CCDC40: variants seen among roughly 807,000 people sequenced by gnomAD.
CCDC40 encodes coiled-coil domain-containing protein 40.
Under a neutral mutation model 124.5 loss-of-function variants are expected in CCDC40, and 104 were observed. That is an observed-to-expected ratio of 0.84 (90% CI 0.71 to 0.98). The LOEUF is 0.98. Ranked by LOEUF, CCDC40 falls within the 50% of genes least tolerant of loss-of-function variation. The pLI is 0.00. For synonymous variants in CCDC40, 580 were observed against 602.9 expected (o/e 0.96, Z 0.56); for missense variants, 1,463 against 1,503.9 (o/e 0.97, Z 0.45).
chr17:80,089,942 A>G, intron 17 of CCDC40, 58 bp downstream of exon 17: 2 of 1,603,134 alleles, frequency 1.2e-6, no homozygotes, highest in Non-Finnish European at 1.7e-6. Flanking sequence ...TGGGCTCTGG[A>G]GACCTGGCCA....
chr17:80,093,702 C>T (rs566540362), intron 17 of CCDC40, among the ~76,000 whole-genome samples: 10 of 144,160 alleles, frequency 6.9e-5, no homozygotes, highest in South Asian at 6.6e-4. Flanking sequence ...TTGGTAGAGA[C>T]GGGATTTCAC....
rs1013179004 is a variant in CCDC40, at chr17:80,067,745, T to C, written c.1562+2139T>C. The C allele has an allele frequency of 2.7e-6, 4 of 1,507,252 alleles. No homozygotes were observed. In the African/African-American group the frequency reaches 5.5e-5, roughly 21 times the overall value. 93.4% of individuals were successfully genotyped at this position (1,507,252 alleles called of 1,614,324 possible). A position where few individuals can be genotyped will look rare whatever the true frequency, so the allele number is the denominator to read the frequency against. ...CTATCAAGCCCGGAATGTCTGGGTC[T>C]AGCGGGTATTGCTAAGTAGGATTGT... On this transcript the variant is annotated intron_variant, in intron 10 of 19. Transcript: ENST00000397545.
chr17:80,066,104 G>T lies in CCDC40; in HGVS notation c.1562+498G>T. The T allele has an allele frequency of 1.4e-6, 1 of 703,008 alleles. No individual in the cohort carries two copies. The highest frequency in any genetic ancestry group is 1.5e-5 in the South Asian group (1 of 67,604). The allele number at this position is 703,008 out of a possible 1,614,324, so 43.5% of individuals were successfully genotyped here. A position where few individuals can be genotyped will look rare whatever the true frequency, so the allele number is the denominator to read the frequency against. ...GCAGGGCGTTGGAGACACAGGTGCT[G>T]CCTTCATTCCTAAAACCACCCAGGG... On this transcript the variant is annotated intron_variant, in intron 10 of 19. Transcript: ENST00000397545. The surrounding 1 kb of genome is among the most constrained non-coding windows in gnomAD (Gnocchi z 4.4).
chr17:80,088,212 C>T (rs1174947477), intron 16 of CCDC40, 110 bp downstream of exon 16: 17 of 761,360 alleles, frequency 2.2e-5, no homozygotes, highest in Admixed American at 1.6e-4. Context: ...ACACCCATAT[C>T]CCAGTGCTTT....
rs141622437 is a variant in CCDC40, at chr17:80,066,162, C to T, written c.1562+556C>T. 118 of 702,972 alleles carry T rather than the reference C, an allele frequency of 1.7e-4. No homozygotes were observed. In the African/African-American group the frequency reaches 1.9e-3, roughly 11 times the overall value. The allele number at this position is 702,972 out of a possible 1,614,324, so 43.5% of individuals were successfully genotyped here. A position where few individuals can be genotyped will look rare whatever the true frequency, so the allele number is the denominator to read the frequency against. On this transcript the variant is annotated intron_variant, in intron 10 of 19. Coordinates refer to ENST00000397545, the MANE Select transcript of CCDC40 (RefSeq NM_017950.4). The surrounding 1 kb of genome is among the most constrained non-coding windows in gnomAD (Gnocchi z 4.4). ...GTCTCGGGACGCGGAAAGAAAAAGC[C>T]GGGCACTGTGGTGGCACGTGTCTCA...
chr17:80,085,972 A>T, intron 13 of CCDC40, 31 bp from the exon 14 acceptor site: 1 of 1,598,846 alleles, frequency 6.3e-7, no homozygotes, highest in Non-Finnish European at 8.6e-7. Flanking sequence ...GCCCAGCCCT[A>T]ATTTTGCTTT....
intron 17 of CCDC40, among the ~76,000 whole-genome samples, chr17:80,094,285 G>A (rs926960511): frequency 5.3e-5 from 8 of 151,762 alleles, no homozygotes; most frequent in Admixed American, 4.6e-4. Flanking sequence ...GGTGGCAGGT[G>A]CCTGTAATCC....
chr17:80,079,767 CAAA>C (rs34238595), intron 10 of CCDC40, among the ~76,000 whole-genome samples: 2 of 136,690 alleles, frequency 1.5e-5, no homozygotes, highest in African/African-American at 2.8e-5. Flanking sequence ...ACTAAAAATA[CAAA>C]AAAAAAAAAA....
At chr17:80,041,663 C>T (rs560113285) in intron 3 of CCDC40, among the ~76,000 whole-genome samples, 1 of 152,270 alleles carries the variant, frequency 6.6e-6, no homozygotes, top group South Asian at 2.1e-4. Context: ...TTTCTGTAGT[C>T]TCCTCAGTCT....
In CCDC40 at chr17:80,040,025, C is replaced by G; in HGVS notation, c.307C>G (p.Pro103Ala). Residue 103 changes from proline to alanine, a missense_variant, in exon 3 of 20, where the codon CCG (proline) becomes GCG (alanine). Transcript: ENST00000397545. ...ATATTACTATACAGAAACTTCATCC[C>G]CGGAAGGGCAAATCAGTGCTGCAGA... is the stretch of plus-strand genomic sequence containing the variant. ...EEYYYTETSS[P>A]EGQISAADTT... The G allele has an allele frequency of 6.2e-7, 1 of 1,614,084 alleles. No homozygotes were observed. The highest frequency in any genetic ancestry group is 8.5e-7 in the Non-Finnish European group (1 of 1,179,984).
intron 12 of CCDC40, 121 bp from the exon 13 acceptor site, chr17:80,084,622 A>G (rs2143743465): frequency 8.3e-7 from 1 of 1,211,118 alleles, no homozygotes; most frequent in Non-Finnish European, 1.2e-6. Flanking sequence ...TGCACTCGTG[A>G]CTGTGCGTTT....
At chr17:80,090,310 A>C in intron 17 of CCDC40, 5 of 1,333,486 alleles carry the variant, frequency 3.7e-6, no homozygotes, top group Non-Finnish European at 5.0e-6. Flanking sequence ...CACGTGCACG[A>C]ACAACACGGG....
chr17:80,073,665 A>G (rs1320445722), intron 10 of CCDC40, among the ~76,000 whole-genome samples: 1 of 149,000 alleles, frequency 6.7e-6, no homozygotes, highest in Non-Finnish European at 1.5e-5. Flanking sequence ...TAAGTGCTCA[A>G]GTGAAAGGAA....
At position 80,055,981 on chromosome 17, in the gene CCDC40, C is replaced by CATATAT. The variant is rs1164782051; in HGVS notation, c.1160-2482_1160-2477dup. ...CACACCACCAGGCCTGGCTAATTTTCATATATATATATATATATATATATA... is the reference window on the plus strand; with the variant it reads ...CACACCACCAGGCCTGGCTAATTTTCATATATATATATATATATATATATATATATA... On this transcript the variant is annotated intron_variant, in intron 7 of 19. Coordinates refer to ENST00000397545, the MANE Select transcript of CCDC40 (RefSeq NM_017950.4). Among the ~76,000 whole-genome samples, 25 of 26,098 alleles carry CATATAT rather than the reference C, an allele frequency of 9.6e-4. 1 individual carries two copies. The highest frequency in any genetic ancestry group is 0.038 in the Middle Eastern group (1 of 26). The allele number at this position is 26,098 out of a possible 152,430, so 17.1% of individuals were successfully genotyped here.
intron 10 of CCDC40, among the ~76,000 whole-genome samples, chr17:80,079,781 A>AAG (rs1386252238): frequency 6.7e-6 from 1 of 149,402 alleles, no homozygotes; most frequent in Non-Finnish European, 1.5e-5. Flanking sequence ...AAAAAAAAAA[A>AAG]ATAGGCAGGC....
intron 9 of CCDC40, among the ~76,000 whole-genome samples, chr17:80,061,897 G>A (rs548533652): frequency 7.5e-6 from 1 of 132,998 alleles, no homozygotes; most frequent in East Asian, 2.3e-4. Context: ...TTAGTGCTTA[G>A]ACTCCATTCC....
At position 80,040,204 on chromosome 17, in the gene CCDC40, C is replaced by A. The variant is rs777442116; in HGVS notation, c.486C>A (p.Ser162=). 7 of 1,613,976 alleles carry A rather than the reference C, an allele frequency of 4.3e-6. No homozygotes were observed. The highest frequency in any genetic ancestry group is 5.9e-6 in the Non-Finnish European group (7 of 1,179,942). Reference sequence around the variant, plus strand: ...GGAGGGTCACCTCCCCAGAGCCATCCCACGGAGTCTTAGGCCCGTCGGAGC... The same window carrying A: ...GGAGGGTCACCTCCCCAGAGCCATCACACGGAGTCTTAGGCCCGTCGGAGC... ...RERRVTSPEP[S]HGVLGPSEQM... The change falls in exon 3 of 20, where the codon TCC becomes TCA. Residue 162 remains serine, a synonymous_variant. Transcript: ENST00000397545.
intron 9 of CCDC40, among the ~76,000 whole-genome samples, chr17:80,064,731 C>G (rs542048085): frequency 6.6e-6 from 1 of 151,832 alleles, no homozygotes; most frequent in Non-Finnish European, 1.5e-5. Flanking sequence ...CACTGCCCCC[C>G]ACGATGCCCC....
chr17:80,081,848 C>A, intron 11 of CCDC40, 28 bp from the exon 12 acceptor site: 3 of 1,614,002 alleles, frequency 1.9e-6, no homozygotes, highest in Non-Finnish European at 2.5e-6. Context: ...TCTTCAGGCA[C>A]GTGCACCCTG....
Sources: allele counts gnomAD v4.1 joint callset (sites outside exome capture counted in the v4.1 genomes callset), GRCh38; gene constraint gnomAD v4.1.1; non-coding constraint Gnocchi (gnomAD v3.1); transcripts MANE v1.5; gene names NCBI Gene and HGNC (gene_info 2026-07-23, HGNC 2026-07-21).